The following TBC1D9 variants were observed in gnomAD, a reference collection of about 807,000 sequenced individuals.
TBC1D9 encodes TBC1 domain family member 9.
Under a neutral mutation model 132.0 loss-of-function variants are expected in TBC1D9, and 63 were observed. The ratio of observed to expected loss-of-function variants is 0.48; its 90% CI spans 0.39 to 0.59. The LOEUF is 0.59. Among genes scored for constraint, TBC1D9 ranks in the 20% least tolerant of loss-of-function variants. The probability of loss-of-function intolerance (pLI) is 0.00; values close to 1 mark genes in which losing one functional copy is unlikely to be tolerated. For synonymous variants in TBC1D9, 610 were observed against 609.9 expected, an observed-to-expected ratio of 1.00 and a Z score of 0.00; for missense variants, 1,261 against 1,592.7, an observed-to-expected ratio of 0.79 and a Z score of 3.54.
intron 1 of TBC1D9, among the ~76,000 whole-genome samples, chr4:140,713,758 A>AC (rs1560893798): frequency 2.7e-5 from 4 of 150,684 alleles, no homozygotes; most frequent in African/African-American, 7.4e-5. Flanking sequence ...TTAAAAAAAA[A>AC]AAACTATATT....
At chr4:140,705,881 T>A (rs888966361) in intron 1 of TBC1D9, among the ~76,000 whole-genome samples, 1 of 152,194 alleles carries the variant, frequency 6.6e-6, no homozygotes. Flanking sequence ...GAAATCAAAT[T>A]ACAGCCCTCA....
At chr4:140,643,682 C>T in intron 13 of TBC1D9, 1 of 1,180,902 alleles carries the variant, frequency 8.5e-7, no homozygotes, top group Non-Finnish European at 1.2e-6. Flanking sequence ...TCTCGGGTGT[C>T]AGCTGCACCC....
rs1210557959 is a variant in TBC1D9, at chr4:140,645,426, C to G, written c.2338-5998G>C. 1.8e-5 allele frequency: 8 copies of G among 436,424 alleles called. No individual in the cohort carries two copies. In the East Asian group the frequency reaches 5.5e-4, roughly 30 times the overall value. The allele number at this position is 436,424 out of a possible 1,614,324, so 27.0% of individuals were successfully genotyped here. ...GCCCGCGCATCCAAATGCCTTGGCA[C>G]TCTCCGGCCTCTCTGGGTCGCGCTT... On this transcript the variant is annotated intron_variant, in intron 13 of 20. Coordinates refer to ENST00000442267, the MANE Select transcript of TBC1D9 (RefSeq NM_015130.3).
At chr4:140,745,723 G>A (rs933899867) in intron 1 of TBC1D9, among the ~76,000 whole-genome samples, 2 of 151,988 alleles carry the variant, frequency 1.3e-5, no homozygotes, top group Admixed American at 1.3e-4. Context: ...TTAAGTTTTG[G>A]GGGAGTCAAA....
chr4:140,622,485 C>T lies in TBC1D9; in HGVS notation c.3511G>A (p.Gly1171Ser), dbSNP rs777021000. 7 of 1,613,898 alleles carry T rather than the reference C, an allele frequency of 4.3e-6. No homozygotes were observed. The highest frequency in any genetic ancestry group is 4.0e-5 in the African/African-American group (3 of 74,944). ...SMSSYSVLSA[G>S]SHEEDKLHCE... is the part of the protein sequence containing the mutation. ...TGCAGCTTGTCCTCCTCGTGGGAGCCGGCACTCAGCACCGAGTATGAGGAC... is the reference window on the plus strand; with the variant it reads ...TGCAGCTTGTCCTCCTCGTGGGAGCTGGCACTCAGCACCGAGTATGAGGAC... Residue 1171 changes from glycine to serine, a missense_variant, in exon 21 of 21, where the codon GGC (glycine) becomes AGC (serine). Physicochemically the swap from Gly to Ser is moderately conservative, Grantham distance 56. Around this residue, in one of 3 missense-constraint regions of TBC1D9, gnomAD observed 618 missense variants for 724.4 expected, o/e 0.85. Coordinates refer to ENST00000442267, the MANE Select transcript of TBC1D9 (RefSeq NM_015130.3).
intron 2 of TBC1D9, among the ~76,000 whole-genome samples, chr4:140,688,342 C>T (rs1379018876): frequency 1.3e-5 from 2 of 152,152 alleles, no homozygotes; most frequent in Admixed American, 6.6e-5. Flanking sequence ...TAATCTCTGT[C>T]TCAAATTCTG....
intron 1 of TBC1D9, among the ~76,000 whole-genome samples, chr4:140,755,502 C>T (rs1335909733): frequency 6.6e-6 from 1 of 152,134 alleles, no homozygotes; most frequent in Non-Finnish European, 1.5e-5. Context: ...CATTTTATAC[C>T]TGATCCTGCT....
chr4:140,687,319 A>ATGTGTG (rs1216278514), intron 2 of TBC1D9, among the ~76,000 whole-genome samples: 1 of 63,880 alleles, frequency 1.6e-5, no homozygotes, highest in African/African-American at 4.6e-5. Context: ...CCATATATAT[A>ATGTGTG]TATGTGTGTG....
At chr4:140,687,147 T>C (rs1432852753) in intron 2 of TBC1D9, among the ~76,000 whole-genome samples, 1 of 151,666 alleles carries the variant, frequency 6.6e-6, no homozygotes, top group Non-Finnish European at 1.5e-5. Flanking sequence ...CTTTATAGTA[T>C]ATGTAATCAC....
chr4:140,753,361 T>G (rs1578868793), intron 1 of TBC1D9, among the ~76,000 whole-genome samples: 2 of 152,110 alleles, frequency 1.3e-5, no homozygotes, highest in Non-Finnish European at 2.9e-5. Context: ...CCCCAGCAGC[T>G]GGGACTACAG....
At chr4:140,678,680 G>A (rs1362934500) in intron 5 of TBC1D9, among the ~76,000 whole-genome samples, 1 of 152,164 alleles carries the variant, frequency 6.6e-6, no homozygotes, top group Non-Finnish European at 1.5e-5. Context: ...CATCTGGGCT[G>A]AGGCTATCAC....
intron 1 of TBC1D9, among the ~76,000 whole-genome samples, chr4:140,732,891 A>G (rs989007986): frequency 1.1e-4 from 17 of 152,216 alleles, no homozygotes; most frequent in African/African-American, 4.1e-4. Context: ...AATTATAACA[A>G]TATACATCAT....
rs202122051 is a variant in TBC1D9 at position 140,622,588 on chromosome 4, C to G, written c.3408G>C (p.Glu1136Asp). The G allele has an allele frequency of 6.2e-7, 1 of 1,613,866 alleles. No homozygotes were observed. Among genetic ancestry groups the G allele is most frequent in the Non-Finnish European group, 8.5e-7 (1 of 1,179,882 alleles). ...LGGQMEDIKLEDSSPRDNGAC... is the reference protein window; with the variant it reads ...LGGQMEDIKLDDSSPRDNGAC... Reference sequence around the variant, plus strand: ...CCCCGTTGTCCCGGGGCGAGGAGTCCTCCAGCTTGATGTCCTCCATTTGTC... The same window carrying G: ...CCCCGTTGTCCCGGGGCGAGGAGTCGTCCAGCTTGATGTCCTCCATTTGTC... Residue 1136 changes from glutamate (E) to aspartate (D), a missense_variant, in exon 21 of 21, where the codon GAG (glutamate) becomes GAC (aspartate). Transcript: ENST00000442267.
At chr4:140,632,015 C>A (rs1578814469) in intron 16 of TBC1D9, among the ~76,000 whole-genome samples, 1 of 152,342 alleles carries the variant, frequency 6.6e-6, no homozygotes, top group Admixed American at 6.5e-5. Context: ...TCTGAGAGTT[C>A]TCCCACTAAT....
At chr4:140,742,768 T>C (rs1738779649) in intron 1 of TBC1D9, among the ~76,000 whole-genome samples, 1 of 151,830 alleles carries the variant, frequency 6.6e-6, no homozygotes, top group Non-Finnish European at 1.5e-5. Context: ...TCTTTCCCAC[T>C]CCAGTCCTCT....
At chr4:140,645,728 G>T (rs1047078965) in intron 13 of TBC1D9, among the ~76,000 whole-genome samples, 2 of 152,146 alleles carry the variant, frequency 1.3e-5, no homozygotes, top group Non-Finnish European at 2.9e-5. Context: ...TCTCTGACCA[G>T]CCACCACCAA....
intron 1 of TBC1D9, among the ~76,000 whole-genome samples, chr4:140,737,461 TCTCTCACA>T (rs1477265472): frequency 6.1e-5 from 8 of 130,290 alleles, no homozygotes; most frequent in Non-Finnish European, 1.1e-4. Context: ...TCTCTCTCTC[TCTCTCACA>T]CACACATACA....
intron 11 of TBC1D9, 28 bp from the exon 12 acceptor site, chr4:140,657,840 G>A (rs746167193): frequency 6.2e-5 from 98 of 1,591,298 alleles, no homozygotes; most frequent in Middle Eastern, 1.9e-4. Flanking sequence ...ACAAAAAGGC[G>A]CAGCTTAGCC....
intron 16 of TBC1D9, among the ~76,000 whole-genome samples, chr4:140,630,587 A>G (rs1578813817): frequency 6.6e-6 from 1 of 152,336 alleles, no homozygotes; most frequent in South Asian, 2.1e-4. Context: ...GCTGGCTCTC[A>G]GAATAAACCT....
Sources: allele counts gnomAD v4.1 joint callset (sites outside exome capture counted in the v4.1 genomes callset), GRCh38; gene constraint gnomAD v4.1.1; regional missense constraint gnomAD v4.1.1; transcripts MANE v1.5; gene names NCBI Gene and HGNC (gene_info 2026-07-23, HGNC 2026-07-21).